Variants in CALN1 observed in about 807,000 individuals in gnomAD.
CALN1 encodes the protein calneuron 1, also known as calcium-binding protein 8.
In CALN1, 17 loss-of-function variants were observed where a neutral mutation model predicts 30.6. That is an observed-to-expected ratio of 0.56 (90% CI 0.38 to 0.83). CALN1 has a LOEUF of 0.83. Among genes scored for constraint, CALN1 ranks in the 40% least tolerant of loss-of-function variants. The pLI is 0.00. For synonymous variants in CALN1, 156 were observed against 131.4 expected, an observed-to-expected ratio of 1.19 and a Z score of -1.28; for missense variants, 291 against 354.9, an observed-to-expected ratio of 0.82 and a Z score of 1.45.
intron 6 of CALN1, among the ~76,000 whole-genome samples, chr7:71,801,436 C>CTATT (rs1403769573): frequency 5.4e-4 from 78 of 143,294 alleles, no homozygotes; most frequent in African/African-American, 1.8e-3. Flanking sequence ...ATGTATCTAT[C>CTATT]TATCTATCTA....
At chr7:72,433,659 G>A (rs1381930676) in intron 1 of CALN1, among the ~76,000 whole-genome samples, 1 of 152,108 alleles carries the variant, frequency 6.6e-6, no homozygotes, top group African/African-American at 2.4e-5. Flanking sequence ...CAGGCTTCAG[G>A]TGAATTTACA....
chr7:72,342,896 A>AT (rs1324127697), intron 2 of CALN1, among the ~76,000 whole-genome samples: 1 of 152,096 alleles, frequency 6.6e-6, no homozygotes, highest in Non-Finnish European at 1.5e-5. Flanking sequence ...GGAAGGTAAA[A>AT]TTTTTCATGT....
intron 5 of CALN1, among the ~76,000 whole-genome samples, chr7:71,896,359 A>T (rs78176929): frequency 6.6e-6 from 1 of 152,166 alleles, no homozygotes; most frequent in East Asian, 1.9e-4. Flanking sequence ...TCTCTAGAGA[A>T]CTTCTTTCTT....
chr7:72,439,793 G>C (rs1029033331), intron 1 of CALN1, among the ~76,000 whole-genome samples: 1 of 151,916 alleles, frequency 6.6e-6, no homozygotes, highest in Non-Finnish European at 1.5e-5. Flanking sequence ...TGGCCAGGCT[G>C]GTCTTGAACT....
At chr7:72,299,689 C>CTTT (rs34296600) in intron 2 of CALN1, among the ~76,000 whole-genome samples, 58 of 119,832 alleles carry the variant, frequency 4.8e-4, no homozygotes, top group African/African-American at 8.9e-4. Flanking sequence ...ATGCTCTTAT[C>CTTT]TTTTTTTTTT....
At position 72,083,560 on chromosome 7, in the gene CALN1, G is replaced by A. The variant is rs118011720; in HGVS notation, c.388+22591C>T. On this transcript the variant is annotated intron_variant, in intron 4 of 6. Coordinates refer to ENST00000395275, the MANE Select transcript of CALN1 (RefSeq NM_031468.4). ...GATCATGCCACTGCACTTCAGCCTG[G>A]GTGGCTGAGCAAGACCTCATCTATA... 6.3e-3 allele frequency among the ~76,000 whole-genome samples: 952 copies of A among 151,868 alleles called. 35 individuals carry two copies. The East Asian group carries it at 0.081, about 13-fold the overall frequency.
intron 4 of CALN1, among the ~76,000 whole-genome samples, chr7:72,100,348 A>T (rs1160150688): frequency 6.6e-6 from 1 of 151,654 alleles, no homozygotes; most frequent in African/African-American, 2.4e-5. Flanking sequence ...TGCCCAGCTA[A>T]TTTTTTCTGT....
intron 2 of CALN1, among the ~76,000 whole-genome samples, chr7:72,325,632 T>A (rs1203545029): frequency 2.0e-5 from 3 of 151,940 alleles, no homozygotes; most frequent in Non-Finnish European, 2.9e-5. Flanking sequence ...AGAGTGAAAC[T>A]CTGTCTCAAA....
At chr7:72,373,703 G>A (rs892081325) in intron 2 of CALN1, among the ~76,000 whole-genome samples, 2 of 152,134 alleles carry the variant, frequency 1.3e-5, no homozygotes, top group South Asian at 4.1e-4. Flanking sequence ...CTTAAGGTTG[G>A]TTTATCAGGA....
intron 2 of CALN1, among the ~76,000 whole-genome samples, chr7:72,338,228 G>A (rs1489118899): frequency 6.6e-6 from 1 of 152,034 alleles, no homozygotes; most frequent in African/African-American, 2.4e-5. Context: ...CTTCCTTACA[G>A]CACCCTCCTC....
chr7:72,445,163 G>A lies in CALN1; in HGVS notation c.-226+1879C>T, dbSNP rs1562971509. Among the ~76,000 whole-genome samples the A allele has an allele frequency of 3.3e-5, 5 of 151,672 alleles. 1 individual carries two copies. The South Asian group carries it at 6.3e-4, about 19-fold the overall frequency. On this transcript the variant is annotated intron_variant, in intron 1 of 6. Coordinates refer to the CALN1 transcript ENST00000395276. ...GGAACAGTCTACTTAATTACTTATT[G>A]TTAATGGGCCCCAGCTGATACAAAA...
chr7:72,408,669 C>CCTT (rs1283527506), intron 1 of CALN1, among the ~76,000 whole-genome samples: 1 of 70,388 alleles, frequency 1.4e-5, no homozygotes, highest in African/African-American at 5.1e-5. Flanking sequence ...CAATTATTAT[C>CCTT]TTTTCCTTTT....
upstream of CALN1, among the ~76,000 whole-genome samples, chr7:72,415,456 T>C (rs1039877650): frequency 4.6e-5 from 7 of 152,262 alleles, no homozygotes; most frequent in African/African-American, 1.7e-4. Context: ...TGAGTGAGTA[T>C]GGCCCGGCAT....
intron 5 of CALN1, among the ~76,000 whole-genome samples, chr7:71,839,942 A>G (rs1789837146): frequency 6.6e-6 from 1 of 152,166 alleles, no homozygotes; most frequent in Non-Finnish European, 1.5e-5. Flanking sequence ...CCCAGGTCAC[A>G]TGCAGTGCCA....
chr7:72,486,113 T>G, the CALN1 span, among the ~76,000 whole-genome samples: 1 of 152,172 alleles, frequency 6.6e-6, no homozygotes, highest in African/African-American at 2.4e-5. Flanking sequence ...GCTGCAAACC[T>G]GTACAGCAAG....
intron 2 of CALN1, among the ~76,000 whole-genome samples, chr7:72,338,848 T>TG (rs1249085449): frequency 6.6e-6 from 1 of 152,016 alleles, no homozygotes; most frequent in Non-Finnish European, 1.5e-5. Context: ...TATGAGTTAT[T>TG]GACTATAGTC....
Position 71,832,032 on chromosome 7 carries a change from A to T in CALN1, c.502-21540T>A, listed in dbSNP as rs73701383. On this transcript the variant is annotated intron_variant, in intron 5 of 6. Transcript: ENST00000395275. ...TGATGCCAATTTCATCTCTGTATTT[A>T]GGCTCAGAATGTCCATCTCTGCTCC... 1.5e-3 allele frequency among the ~76,000 whole-genome samples: 230 copies of T among 152,230 alleles called. 1 individual carries two copies. Among genetic ancestry groups the T allele is most frequent in the African/African-American group, 5.2e-3 (218 of 41,538 alleles).
At chr7:72,354,942 C>T (rs1455760219) in intron 2 of CALN1, among the ~76,000 whole-genome samples, 1 of 149,736 alleles carries the variant, frequency 6.7e-6, no homozygotes, top group Non-Finnish European at 1.5e-5. Flanking sequence ...CAGGGTCTCG[C>T]TTTGTCGCCA....
the CALN1 span, among the ~76,000 whole-genome samples, chr7:72,481,095 G>A: frequency 3.3e-5 from 5 of 152,168 alleles, no homozygotes; most frequent in Non-Finnish European, 5.9e-5. Context: ...TGGAATTACA[G>A]GCGCAGGCCA....
Sources: gnomAD v4.1 joint callset for allele counts (sites outside exome capture counted in the v4.1 genomes callset) on GRCh38, gnomAD v4.1.1 for gene constraint, MANE v1.5 for transcripts, NCBI Gene and HGNC (gene_info 2026-07-23, HGNC 2026-07-21) for gene names.